GALR1: variants seen among roughly 807,000 people sequenced by gnomAD.
GALR1 encodes galanin receptor 1.
Under a neutral mutation model 17.9 loss-of-function variants are expected in GALR1, and 11 were observed. That is an observed-to-expected ratio of 0.62 (90% CI 0.39 to 1.02). GALR1 has a LOEUF of 1.02. Among genes scored for constraint, GALR1 ranks in the 50% least tolerant of loss-of-function variants. The pLI is 0.01. For synonymous variants in GALR1, 206 were observed against 205.7 expected, an observed-to-expected ratio of 1.00 and a Z score of -0.01; for missense variants, 441 against 456.9, an observed-to-expected ratio of 0.97 and a Z score of 0.32.
chr18:77,252,175 A>G (rs1912433644), intron 1 of GALR1, among the ~76,000 whole-genome samples: 1 of 152,250 alleles, frequency 6.6e-6, no homozygotes, highest in Non-Finnish European at 1.5e-5. Flanking sequence ...TGAAGACTTT[A>G]TACTGATCAA....
chr18:77,267,492 G>A (rs1912967662), intron 2 of GALR1, among the ~76,000 whole-genome samples: 1 of 152,186 alleles, frequency 6.6e-6, no homozygotes, highest in Non-Finnish European at 1.5e-5. Context: ...AATAATGCAT[G>A]TGGTCCCATC....
chr18:77,251,302 G>A (rs1912411394), intron 1 of GALR1, 88 bp downstream of exon 1: 1 of 1,501,820 alleles, frequency 6.7e-7, no homozygotes, highest in East Asian at 2.3e-5. Flanking sequence ...CGGCCCTGCC[G>A]GAGCCTTGGC....
chr18:77,258,553 T>C (rs1599357810), intron 2 of GALR1, among the ~76,000 whole-genome samples: 2 of 143,768 alleles, frequency 1.4e-5, no homozygotes, highest in African/African-American at 5.5e-5. Flanking sequence ...GTGGTGATGG[T>C]GGTGGTCATA....
chr18:77,252,931 A>C, intron 1 of GALR1, among the ~76,000 whole-genome samples: 1 of 73,956 alleles, frequency 1.4e-5, no homozygotes, highest in Non-Finnish European at 3.3e-5. Context: ...CATCACCACC[A>C]CCACCACCAC....
intron 2 of GALR1, among the ~76,000 whole-genome samples, chr18:77,259,175 ATGG>A (rs1912738685): frequency 2.9e-4 from 1 of 3,422 alleles, no homozygotes; most frequent in African/African-American, 4.5e-4. Context: ...GGTGGTGATG[ATGG>A]TGGTGATGAT....
chr18:77,266,927 C>T (rs557353683), intron 2 of GALR1, among the ~76,000 whole-genome samples: 2 of 152,310 alleles, frequency 1.3e-5, no homozygotes, highest in African/African-American at 2.4e-5. Context: ...GGGATTGCTG[C>T]CAGCTCACGC....
intron 2 of GALR1, among the ~76,000 whole-genome samples, chr18:77,262,030 G>A (rs1386323771): frequency 6.6e-6 from 1 of 152,080 alleles, no homozygotes; most frequent in African/African-American, 2.4e-5. Flanking sequence ...GACTCAGGAT[G>A]TTGTCCAAGC....
chr18:77,257,715 G>A (rs1435991157), intron 2 of GALR1, among the ~76,000 whole-genome samples: 3 of 152,110 alleles, frequency 2.0e-5, no homozygotes, highest in South Asian at 4.1e-4. Context: ...GGACCAAGCC[G>A]ATCCAGGGGA....
chr18:77,253,327 A>T (rs1912514963), intron 1 of GALR1, among the ~76,000 whole-genome samples: 1 of 152,184 alleles, frequency 6.6e-6, no homozygotes, highest in Non-Finnish European at 1.5e-5. Flanking sequence ...TTCTGGAAGG[A>T]TTTTAACACA....
intron 2 of GALR1, among the ~76,000 whole-genome samples, chr18:77,267,882 C>T (rs1912977357): frequency 6.6e-6 from 1 of 152,172 alleles, no homozygotes; most frequent in Non-Finnish European, 1.5e-5. Flanking sequence ...GGTTGATGTC[C>T]TCTCCTGTTG....
In GALR1 at chr18:77,268,956, G is replaced by A; in HGVS notation, c.*54G>A. 7.7e-7 allele frequency: 1 copy of A among 1,301,978 alleles called. No individual in the cohort carries two copies. The highest frequency in any genetic ancestry group is 1.3e-5 in the South Asian group (1 of 75,010). 80.7% of individuals were successfully genotyped at this position (1,301,978 alleles called of 1,614,324 possible). A position where few individuals can be genotyped will look rare whatever the true frequency, so the allele number is the denominator to read the frequency against. ...TTTCCATATAAGTGGACCAGACACA[G>A]AAACAAACAGAATGAGCTAGTAAGC... On this transcript the variant is annotated 3_prime_UTR_variant, in exon 3 of 3. Transcript: ENST00000299727.
At chr18:77,257,758 A>G (rs1912623913) in intron 2 of GALR1, among the ~76,000 whole-genome samples, 1 of 152,238 alleles carries the variant, frequency 6.6e-6, no homozygotes, top group Admixed American at 6.5e-5. Flanking sequence ...ATGGAAGCCA[A>G]CATTGTAATG....
At chr18:77,268,541 C>A (rs533693424) in intron 2 of GALR1, 44 bp from the exon 3 acceptor site, 1 of 1,384,786 alleles carries the variant, frequency 7.2e-7, no homozygotes, top group South Asian at 1.3e-5. Flanking sequence ...TCTCCCTTAC[C>A]GCCTCCTCCT....
At chr18:77,258,652 T>TGGTGGTGGTGGTG (rs1912669866) in intron 2 of GALR1, among the ~76,000 whole-genome samples, 1 of 120,118 alleles carries the variant, frequency 8.3e-6, no homozygotes, top group African/African-American at 3.3e-5. Flanking sequence ...GTGGTGGTCA[T>TGGTGGTGGTGGTG]AGTGGTGGTG....
chr18:77,253,804 T>A (rs2144951026), intron 1 of GALR1: 1 of 152,300 alleles, frequency 6.6e-6, no homozygotes, highest in East Asian at 1.9e-4. Context: ...ACAAAAAAAC[T>A]TAAGACAATT....
chr18:77,261,307 G>A (rs189124251), intron 2 of GALR1, among the ~76,000 whole-genome samples: 2 of 152,132 alleles, frequency 1.3e-5, no homozygotes, highest in Non-Finnish European at 2.9e-5. Context: ...GATTCTATAC[G>A]CTAAATAGAC....
Position 77,250,444 on chromosome 18 carries a change from G to C in GALR1, c.-105G>C. The C allele has an allele frequency of 8.3e-7, 1 of 1,208,072 alleles. No homozygotes were observed. The highest frequency in any genetic ancestry group is 3.0e-4 in the Middle Eastern group (1 of 3,380). 74.8% of individuals were successfully genotyped at this position (1,208,072 alleles called of 1,614,324 possible). ...GGGGGAAGCTCAGACTCCTAAACTC[G>C]CACTCTCCGTGCTTTGCGCCGGGAC... On this transcript the variant is annotated 5_prime_UTR_variant, in exon 1 of 3. Coordinates refer to ENST00000299727, the MANE Select transcript of GALR1 (RefSeq NM_001480.4).
At chr18:77,252,926 C>CCACCACCACCAT (rs1568139078) in intron 1 of GALR1, among the ~76,000 whole-genome samples, 2 of 45,956 alleles carry the variant, frequency 4.4e-5, no homozygotes, top group Non-Finnish European at 1.0e-4. Flanking sequence ...ACCACCATCA[C>CCACCACCACCAT]CACCACCACC....
chr18:77,267,505 C>T (rs1008242916), intron 2 of GALR1, among the ~76,000 whole-genome samples: 4 of 152,192 alleles, frequency 2.6e-5, no homozygotes, highest in Admixed American at 1.3e-4. Context: ...GTCCCATCAT[C>T]GGTCCACTAG....
Sources: gnomAD v4.1 joint callset for allele counts (sites outside exome capture counted in the v4.1 genomes callset) on GRCh38, gnomAD v4.1.1 for gene constraint, MANE v1.5 for transcripts, NCBI Gene and HGNC (gene_info 2026-07-23, HGNC 2026-07-21) for gene names.